The following NPSR1 variants were observed in gnomAD, a reference collection of about 807,000 sequenced individuals.
NPSR1 encodes neuropeptide S receptor.
Under a neutral mutation model 46.9 loss-of-function variants are expected in NPSR1, and 48 were observed. The observed-to-expected ratio is 1.02, with a 90% CI of 0.81 to 1.30. The LOEUF (loss-of-function observed/expected upper bound fraction) is 1.30, where lower values mean the gene tolerates loss of function less well. NPSR1 is among the 50% of genes most tolerant of loss of function. NPSR1 has a pLI of 0.00. For missense variants in NPSR1, 450 were observed against 449.5 expected (o/e 1.00, Z -0.01); for synonymous variants, 176 against 168.1 (o/e 1.05, Z -0.36).
At chr7:34,871,823 C>T (rs1224835002) in intron 8 of NPSR1, among the ~76,000 whole-genome samples, 1 of 151,972 alleles carries the variant, frequency 6.6e-6, no homozygotes, top group Non-Finnish European at 1.5e-5. Context: ...AGACCCACCC[C>T]TGTGGCTTTG....
At chr7:34,802,909 C>G (rs1011533792) in intron 3 of NPSR1, among the ~76,000 whole-genome samples, 1 of 150,368 alleles carries the variant, frequency 6.7e-6, no homozygotes, top group Non-Finnish European at 1.5e-5. Context: ...GGGCGAAGGA[C>G]AAGAACAGAC....
At chr7:34,720,596 T>C (rs6961859) in intron 2 of NPSR1, among the ~76,000 whole-genome samples, 29,327 of 151,896 alleles carry the variant, frequency 0.19, 3,237 homozygotes, top group African/African-American at 0.31. Flanking sequence ...GTGTGGGGTT[T>C]GGTGTGTGTG....
downstream of NPSR1, among the ~76,000 whole-genome samples, chr7:34,850,688 C>A (rs1425391786): frequency 6.6e-6 from 1 of 152,200 alleles, no homozygotes; most frequent in Non-Finnish European, 1.5e-5. Flanking sequence ...GCATGAGCCA[C>A]CGCGCCCGGC....
intron 3 of NPSR1, among the ~76,000 whole-genome samples, chr7:34,796,742 T>C (rs1788188884): frequency 6.6e-6 from 1 of 152,150 alleles, no homozygotes; most frequent in African/African-American, 2.4e-5. Context: ...GAATACAAAA[T>C]AGCACAGCCA....
chr7:34,766,776 T>C (rs945466506), intron 2 of NPSR1, among the ~76,000 whole-genome samples: 2 of 152,148 alleles, frequency 1.3e-5, no homozygotes, highest in African/African-American at 4.8e-5. Context: ...GGTTTCACTG[T>C]GTTAGCCAGG....
intron 4 of NPSR1, among the ~76,000 whole-genome samples, chr7:34,826,742 G>T (rs566751287): frequency 1.3e-5 from 2 of 152,140 alleles, no homozygotes; most frequent in African/African-American, 4.8e-5. Context: ...AGACTGCATG[G>T]TTTAGCCAAG....
At chr7:34,847,149 A>G (rs1243964868) in intron 7 of NPSR1, among the ~76,000 whole-genome samples, 1 of 152,196 alleles carries the variant, frequency 6.6e-6, no homozygotes. Context: ...GAGGGGAAAC[A>G]TGAGTCAGTT....
chr7:34,744,352 G>A (rs1177424400), intron 2 of NPSR1, among the ~76,000 whole-genome samples: 3 of 151,938 alleles, frequency 2.0e-5, no homozygotes, highest in African/African-American at 7.3e-5. Flanking sequence ...ATGTTTTTAT[G>A]TTCTAGGTGC....
At chr7:34,843,632 G>A (rs1023392072) in intron 6 of NPSR1, among the ~76,000 whole-genome samples, 2 of 152,210 alleles carry the variant, frequency 1.3e-5, no homozygotes, top group Non-Finnish European at 2.9e-5. Context: ...AGCCCTTCTA[G>A]TCAGCCCTTA....
intron 8 of NPSR1, among the ~76,000 whole-genome samples, chr7:34,856,074 T>G (rs1373045720): frequency 6.6e-6 from 1 of 152,168 alleles, no homozygotes; most frequent in Non-Finnish European, 1.5e-5. Flanking sequence ...TTGAAGATGT[T>G]CCTTTTGAAA....
chr7:34,660,340 T>C (rs954684799), intron 1 of NPSR1, among the ~76,000 whole-genome samples: 1 of 152,246 alleles, frequency 6.6e-6, no homozygotes, highest in Non-Finnish European at 1.5e-5. Flanking sequence ...TTACTGGTGG[T>C]ATTTGTGAGA....
At chr7:34,830,492 CT>C (rs1790067151) in intron 5 of NPSR1, among the ~76,000 whole-genome samples, 1 of 152,068 alleles carries the variant, frequency 6.6e-6, no homozygotes, top group Non-Finnish European at 1.5e-5. Flanking sequence ...TAATTGCGGA[CT>C]TTGCCATTGA....
rs535320401 is a variant in NPSR1 at position 34,865,365 on chromosome 7, G to A, written c.1026-12711G>A. Among the ~76,000 whole-genome samples, 13 of 151,764 alleles carry A rather than the reference G, an allele frequency of 8.6e-5. No homozygotes were observed. In the South Asian group the frequency reaches 1.5e-3, roughly 17 times the overall value. ...TGAACTGCTCAGGTGAGACAGAGACGCGGAAGAAACTTCTGACCCTATGGA... is the reference window on the plus strand; with the variant it reads ...TGAACTGCTCAGGTGAGACAGAGACACGGAAGAAACTTCTGACCCTATGGA... On this transcript the variant is annotated intron_variant, in intron 8 of 8. Coordinates refer to the NPSR1 transcript ENST00000359791.
intron 8 of NPSR1, among the ~76,000 whole-genome samples, chr7:34,877,559 C>G (rs889624555): frequency 6.6e-6 from 1 of 152,202 alleles, no homozygotes; most frequent in Non-Finnish European, 1.5e-5. Flanking sequence ...AGGTAGCAGA[C>G]TACACACACC....
At chr7:34,760,686 T>G (rs1786127769) in intron 2 of NPSR1, among the ~76,000 whole-genome samples, 1 of 152,246 alleles carries the variant, frequency 6.6e-6, no homozygotes, top group Admixed American at 6.5e-5. Context: ...TTTTATTTTG[T>G]GCTTCCTAGT....
intron 1 of NPSR1, 139 bp from the exon 2 acceptor site, chr7:34,684,413 T>A: frequency 1.3e-6 from 1 of 747,804 alleles, no homozygotes; most frequent in South Asian, 1.8e-5. Context: ...GACCATTTTG[T>A]CATTGTTTTC....
intron 1 of NPSR1, among the ~76,000 whole-genome samples, chr7:34,663,781 A>C (rs1448699663): frequency 6.6e-6 from 1 of 152,178 alleles, no homozygotes; most frequent in Non-Finnish European, 1.5e-5. Context: ...CTCTGTTCTG[A>C]ATGCTCAAAA....
At chr7:34,849,484 AC>A in intron 8 of NPSR1, 80 bp from the exon 9 acceptor site, 1 of 1,603,834 alleles carries the variant, frequency 6.2e-7, no homozygotes, top group Non-Finnish European at 8.5e-7. Flanking sequence ...ATTTTTCATA[AC>A]TATTGTCTCT....
chr7:34,659,268 G>A (rs1204943809), intron 1 of NPSR1, among the ~76,000 whole-genome samples: 1 of 152,208 alleles, frequency 6.6e-6, no homozygotes, highest in Non-Finnish European at 1.5e-5. Context: ...TTTGGGAAAA[G>A]AACAGTTTCC....
Sources: allele counts gnomAD v4.1 joint callset (sites outside exome capture counted in the v4.1 genomes callset), GRCh38; gene constraint gnomAD v4.1.1; transcripts MANE v1.5; gene names NCBI Gene and HGNC (gene_info 2026-07-23, HGNC 2026-07-21).